DOCK10: variants seen among roughly 807,000 people sequenced by gnomAD.
The protein encoded by DOCK10 is dedicator of cytokinesis 10.
Under a neutral mutation model 280.1 loss-of-function variants are expected in DOCK10, and 145 were observed. The observed-to-expected ratio is 0.52, with a 90% CI of 0.45 to 0.59. The LOEUF (loss-of-function observed/expected upper bound fraction) is 0.59. Ranked by LOEUF, DOCK10 falls within the 20% of genes least tolerant of loss-of-function variation. The pLI, the probability that DOCK10 is intolerant of heterozygous loss-of-function variation, is 0.00. For synonymous variants in DOCK10, 915 were observed against 942.2 expected, an observed-to-expected ratio of 0.97 and a Z score of 0.53; for missense variants, 2,368 against 2,651.7, an observed-to-expected ratio of 0.89 and a Z score of 2.35.
At chr2:224,856,719 G>C (rs1229326053) in intron 15 of DOCK10, 141 bp downstream of exon 15, 2 of 654,364 alleles carry the variant, frequency 3.1e-6, no homozygotes, top group African/African-American at 3.7e-5. Context: ...GGTGCTATTT[G>C]GGCATATGTG....
At chr2:224,842,893 T>C (rs927833843) in intron 22 of DOCK10, among the ~76,000 whole-genome samples, 1 of 152,074 alleles carries the variant, frequency 6.6e-6, no homozygotes, top group African/African-American at 2.4e-5. Flanking sequence ...GCAGGTGCCA[T>C]CTGGATGAGT....
chr2:224,975,599 T>C (rs996937845), intron 1 of DOCK10, among the ~76,000 whole-genome samples: 22 of 152,228 alleles, frequency 1.4e-4, no homozygotes, highest in African/African-American at 4.8e-4. Flanking sequence ...ATATTTACTA[T>C]AGGGATAAGA....
chr2:224,898,909 T>C (rs1353996435), intron 3 of DOCK10, among the ~76,000 whole-genome samples: 1 of 152,220 alleles, frequency 6.6e-6, no homozygotes, highest in Non-Finnish European at 1.5e-5. Context: ...TTTGCTGAAA[T>C]GTTTTATCTT....
intron 29 of DOCK10, among the ~76,000 whole-genome samples, chr2:224,818,398 C>CTTTTTTTT (rs386392783): frequency 7.9e-6 from 1 of 126,442 alleles, no homozygotes; most frequent in Non-Finnish European, 1.6e-5. Context: ...TGGCCCCTGC[C>CTTTTTTTT]TTTTTTTTTT....
chr2:224,858,942 C>T (rs973368956), intron 14 of DOCK10, among the ~76,000 whole-genome samples: 2 of 152,154 alleles, frequency 1.3e-5, no homozygotes, highest in Non-Finnish European at 2.9e-5. Context: ...GCATGAATAA[C>T]CATGATGTGC....
chr2:224,906,566 C>T (rs1354897494), intron 3 of DOCK10, among the ~76,000 whole-genome samples: 3 of 152,176 alleles, frequency 2.0e-5, no homozygotes, highest in Non-Finnish European at 2.9e-5. Flanking sequence ...GCAAGCTCCA[C>T]CTCCTGGATT....
At chr2:225,018,009 T>TC (rs1689663977) in intron 1 of DOCK10, among the ~76,000 whole-genome samples, 1 of 152,116 alleles carries the variant, frequency 6.6e-6, no homozygotes, top group East Asian at 1.9e-4. Context: ...AAACATGAAT[T>TC]CACAGTAATG....
intron 7 of DOCK10, among the ~76,000 whole-genome samples, chr2:224,877,849 G>T (rs1209983522): frequency 6.6e-6 from 1 of 152,156 alleles, no homozygotes; most frequent in Admixed American, 6.6e-5. Flanking sequence ...TTATTTAAGG[G>T]GGTGGTTGTT....
chr2:224,796,404 A>G lies in DOCK10; in HGVS notation c.4850T>C (p.Leu1617Ser). The change falls in exon 44 of 56, where the codon TTA becomes TCA. Residue 1617 changes from leucine to serine, a missense_variant. Leu to Ser is a moderately radical substitution (Grantham distance 145). Around this residue, in one of 2 missense-constraint regions of DOCK10, gnomAD observed 1,159 missense variants for 1,400.8 expected, o/e 0.83. Coordinates refer to ENST00000258390, the MANE Select transcript of DOCK10 (RefSeq NM_014689.3). Reference sequence around the variant, plus strand: ...GCCTCCAATCCCAGCATCGGCTATTAACTGGCTCACAGCTTTGATGAGCTA... The same window carrying G: ...GCCTCCAATCCCAGCATCGGCTATTGACTGGCTCACAGCTTTGATGAGCTA... ...HLQLIKAVSQ[L>S]IADAGIGGSR... 1.9e-6 allele frequency: 3 copies of G among 1,566,652 alleles called. No homozygotes were observed. Among genetic ancestry groups the G allele is most frequent in the Non-Finnish European group, 2.6e-6 (3 of 1,154,432 alleles).
chr2:224,976,794 A>G (rs1467914364), intron 1 of DOCK10, among the ~76,000 whole-genome samples: 1 of 151,920 alleles, frequency 6.6e-6, no homozygotes, highest in Non-Finnish European at 1.5e-5. Context: ...GGTGGGCCAT[A>G]TATGGTCTCT....
At chr2:225,024,349 A>T (rs1689861231) in intron 1 of DOCK10, among the ~76,000 whole-genome samples, 1 of 152,192 alleles carries the variant, frequency 6.6e-6, no homozygotes, top group Middle Eastern at 3.2e-3. Flanking sequence ...TTCTTTTAGG[A>T]AATATATTTT....
intron 1 of DOCK10, among the ~76,000 whole-genome samples, chr2:224,961,991 A>G (rs920043911): frequency 1.2e-4 from 19 of 152,174 alleles, no homozygotes; most frequent in African/African-American, 4.6e-4. Flanking sequence ...AGGAGCCATG[A>G]AAATCTGAAC....
intron 1 of DOCK10, among the ~76,000 whole-genome samples, chr2:225,008,005 C>G (rs772033875): frequency 6.6e-6 from 1 of 151,818 alleles, no homozygotes; most frequent in South Asian, 2.1e-4. Flanking sequence ...TGACTTTCCA[C>G]GCATAGCAGA....
chr2:225,039,046 GTA>G (rs1325081752), intron 1 of DOCK10, among the ~76,000 whole-genome samples: 7 of 152,088 alleles, frequency 4.6e-5, no homozygotes, highest in Non-Finnish European at 1.0e-4. Flanking sequence ...AATCCTAAAT[GTA>G]TATCTTAATG....
At chr2:224,905,758 TGA>T (rs1156882386) in intron 3 of DOCK10, among the ~76,000 whole-genome samples, 2 of 152,326 alleles carry the variant, frequency 1.3e-5, no homozygotes, top group East Asian at 3.9e-4. Context: ...TCCTTAATTC[TGA>T]GATATCGGTA....
rs769025823 is a variant in DOCK10, at chr2:224,874,797, T to A, written c.932-46A>T. On this transcript the variant is annotated intron_variant, in intron 8 of 55. Transcript: ENST00000258390. The stretch of plus-strand genomic sequence containing the variant: ...CAGGTTATTAAATATTACTCACGAG[T>A]CACACATTCTTCTAGCCTGTGACAT... The A allele has an allele frequency of 2.6e-6, 4 of 1,532,518 alleles. No individual in the cohort carries two copies. In the South Asian group the frequency reaches 4.5e-5, roughly 17 times the overall value. The allele number at this position is 1,532,518 out of a possible 1,614,324, so 94.9% of individuals were successfully genotyped here.
Position 224,805,461 on chromosome 2 carries a change from AG to A in DOCK10, c.3882del (p.Ser1295ProfsTer25). The A allele has an allele frequency of 6.2e-7, 1 of 1,612,774 alleles. No individual in the cohort carries two copies. ...ADSRASLASLDSNPSTNEKSS... is the reference protein window; with the variant it reads ...ADSRASLASLXSNPSTNEKSS... ...CTCTTCTCATTGGTACTTGGATTGGAGTCAAGACTTGCTAAAGATGCTCTGG... is the reference window on the plus strand; with the variant it reads ...CTCTTCTCATTGGTACTTGGATTGGATCAAGACTTGCTAAAGATGCTCTGG... On this transcript the variant is annotated frameshift_variant, in exon 35 of 56. Coordinates refer to ENST00000258390, the MANE Select transcript of DOCK10 (RefSeq NM_014689.3). LOFTEE classifies it high-confidence loss of function. The surrounding 1 kb of genome is among the most constrained non-coding windows in gnomAD (Gnocchi z 4.3).
intron 22 of DOCK10, among the ~76,000 whole-genome samples, chr2:224,842,587 G>A (rs1046246715): frequency 1.3e-5 from 2 of 152,168 alleles, no homozygotes; most frequent in Non-Finnish European, 2.9e-5. Context: ...CACTGTGTGT[G>A]TGCGCGTGTG....
At chr2:224,780,630 G>A (rs1326727345) in intron 50 of DOCK10, among the ~76,000 whole-genome samples, 6 of 151,934 alleles carry the variant, frequency 3.9e-5, no homozygotes, top group African/African-American at 1.2e-4. Context: ...GGCTGGGTGC[G>A]GTGGTTCACG....
Sources: allele counts gnomAD v4.1 joint callset (sites outside exome capture counted in the v4.1 genomes callset), GRCh38; gene constraint gnomAD v4.1.1; regional missense constraint gnomAD v4.1.1; non-coding constraint Gnocchi (gnomAD v3.1); transcripts MANE v1.5; gene names NCBI Gene and HGNC (gene_info 2026-07-23, HGNC 2026-07-21).